The following ENAH variants were observed in gnomAD, a reference collection of about 807,000 sequenced individuals.
ENAH encodes the protein protein enabled homolog.
ENAH carries 23 observed loss-of-function variants against 78.7 expected under a neutral mutation model. The ratio of observed to expected loss-of-function variants is 0.29; its 90% confidence interval spans 0.21 to 0.41. ENAH has a LOEUF of 0.41. ENAH is among the 10% of genes least tolerant of loss of function. The probability of loss-of-function intolerance (pLI) is 1.00; values close to 1 mark genes in which losing one functional copy is unlikely to be tolerated. For missense variants in ENAH, 544 were observed against 691.0 expected, an observed-to-expected ratio of 0.79 and a Z score of 2.39; for synonymous variants, 226 against 241.0, an observed-to-expected ratio of 0.94 and a Z score of 0.58.
chr1:225,545,766 T>G (rs2151361071), intron 3 of ENAH, among the ~76,000 whole-genome samples: 1 of 152,278 alleles, frequency 6.6e-6, no homozygotes, highest in East Asian at 1.9e-4. Context: ...GGACCACACT[T>G]TTTGAATCCC....
At chr1:225,604,219 A>G (rs1230933386) in intron 1 of ENAH, among the ~76,000 whole-genome samples, 2 of 152,232 alleles carry the variant, frequency 1.3e-5, no homozygotes, top group Non-Finnish European at 2.9e-5. Flanking sequence ...GACTTTGAAA[A>G]TAACACTCTT....
chr1:225,600,791 A>T (rs1042554486), intron 1 of ENAH, among the ~76,000 whole-genome samples: 1 of 152,182 alleles, frequency 6.6e-6, no homozygotes, highest in African/African-American at 2.4e-5. Context: ...TCAAAACTGC[A>T]GTAAGCTGTG....
At chr1:225,548,951 G>T (rs1367052870) in intron 3 of ENAH, among the ~76,000 whole-genome samples, 1 of 151,054 alleles carries the variant, frequency 6.6e-6, no homozygotes, top group Non-Finnish European at 1.5e-5. Flanking sequence ...CCGGGTTCAA[G>T]CAATTCTCCT....
At chr1:225,562,008 T>G (rs2096708687) in intron 2 of ENAH, among the ~76,000 whole-genome samples, 1 of 152,126 alleles carries the variant, frequency 6.6e-6, no homozygotes, top group Admixed American at 6.5e-5. Context: ...TGTGGTTCTT[T>G]GCTTATGTGC....
At chr1:225,616,568 A>G (rs1655736309) in intron 1 of ENAH, among the ~76,000 whole-genome samples, 1 of 151,900 alleles carries the variant, frequency 6.6e-6, no homozygotes, top group Non-Finnish European at 1.5e-5. Flanking sequence ...TGTTATATAT[A>G]GTATTTATAA....
chr1:225,563,924 T>C (rs1344946393), intron 2 of ENAH, among the ~76,000 whole-genome samples: 1 of 152,244 alleles, frequency 6.6e-6, no homozygotes, highest in Non-Finnish European at 1.5e-5. Context: ...ATTTATTTCA[T>C]GATTGTAGGT....
At chr1:225,515,569 C>G (rs2096411160) in intron 6 of ENAH, among the ~76,000 whole-genome samples, 2 of 152,240 alleles carry the variant, frequency 1.3e-5, no homozygotes, top group South Asian at 4.1e-4. Flanking sequence ...TTTTATCCCA[C>G]AAAATGGGGG....
intron 1 of ENAH, among the ~76,000 whole-genome samples, chr1:225,621,293 T>C (rs533648951): frequency 6.6e-6 from 1 of 150,430 alleles, no homozygotes; most frequent in South Asian, 2.1e-4. Flanking sequence ...TAAATCTATC[T>C]CTCTTTTTTT....
chr1:225,535,516 T>A, intron 3 of ENAH: 1 of 1,302,882 alleles, frequency 7.7e-7, no homozygotes, highest in Middle Eastern at 2.1e-4. Context: ...CCACAGAAAA[T>A]ACATCGCAAA....
chr1:225,616,072 G>C lies in ENAH; in HGVS notation c.5+36614C>G, dbSNP rs140295371. The stretch of plus-strand genomic sequence containing the variant: ...TAAAACATGTGCTGTGTCCACTCAG[G>C]GTTAAATGGATTAAGGGCGGAGCAA... On this transcript the variant is annotated intron_variant, in intron 1 of 13. Transcript: ENST00000366843. Among the ~76,000 whole-genome samples the C allele has an allele frequency of 4.3e-3, 657 of 152,122 alleles. 2 individuals are homozygous for C. The highest frequency in any genetic ancestry group is 6.7e-3 in the Non-Finnish European group (453 of 67,984).
At chr1:225,642,122 AC>A (rs1235599877) in intron 1 of ENAH, among the ~76,000 whole-genome samples, 4 of 151,450 alleles carry the variant, frequency 2.6e-5, no homozygotes, top group Non-Finnish European at 5.9e-5. Flanking sequence ...GACTGTTTGA[AC>A]CCAGGAGGCA....
chr1:225,496,933 A>G lies in ENAH; in HGVS notation c.*842T>C, dbSNP rs1258764403. ...CTAACCTTGTGGTGATTGTAATTAC[A>G]TTATAAAAATGTCCACATGCATAAA... On this transcript the variant is annotated 3_prime_UTR_variant, in exon 14 of 14. Transcript: ENST00000366843. 6.5e-6 allele frequency: 1 copy of G among 152,678 alleles called. No homozygotes were observed. The highest frequency in any genetic ancestry group is 1.5e-5 in the Non-Finnish European group (1 of 68,036). 9.5% of individuals were successfully genotyped at this position (152,678 alleles called of 1,614,324 possible).
At chr1:225,576,275 CAAAA>C (rs35531080) in intron 1 of ENAH, among the ~76,000 whole-genome samples, 1 of 82,498 alleles carries the variant, frequency 1.2e-5, no homozygotes, top group Non-Finnish European at 2.5e-5. Flanking sequence ...GACTCTGTCT[CAAAA>C]AAAAAAAAAA....
chr1:225,507,434 A>G (rs1285941708), intron 11 of ENAH, among the ~76,000 whole-genome samples: 1 of 152,072 alleles, frequency 6.6e-6, no homozygotes, highest in Non-Finnish European at 1.5e-5. Flanking sequence ...TTAATGTTAA[A>G]TTTCTTGAGA....
At position 225,514,930 on chromosome 1, in the gene ENAH, T is replaced by C. The variant is rs748685913; in HGVS notation, c.914-30A>G. ...GAGAGAGAAATGTTAAGTAAGACCA[T>C]CAACAATAGAGCTGAGTGATATTAT... On this transcript the variant is annotated intron_variant, in intron 6 of 13. Coordinates refer to ENST00000366843, the MANE Select transcript of ENAH (RefSeq NM_018212.6). The C allele has an allele frequency of 3.2e-6, 5 of 1,559,512 alleles. No individual in the cohort carries two copies. In the East Asian group the frequency reaches 9.0e-5, roughly 28 times the overall value.
chr1:225,564,514 C>T (rs1276532045), intron 2 of ENAH, among the ~76,000 whole-genome samples: 5 of 147,842 alleles, frequency 3.4e-5, no homozygotes, highest in Admixed American at 2.7e-4. Context: ...AGGCTGGTTG[C>T]GAACTCCAGA....
chr1:225,599,791 C>A (rs991744647), intron 1 of ENAH, among the ~76,000 whole-genome samples: 2 of 126,710 alleles, frequency 1.6e-5, no homozygotes, highest in African/African-American at 6.7e-5. Context: ...GCCGAGACTC[C>A]GTCTTAAAAA....
At chr1:225,603,570 T>C (rs2096940795) in intron 1 of ENAH, among the ~76,000 whole-genome samples, 1 of 152,126 alleles carries the variant, frequency 6.6e-6, no homozygotes, top group Admixed American at 6.5e-5. Flanking sequence ...AAACTTCCAT[T>C]TCAAAAAGGA....
At chr1:225,557,999 T>C (rs2096675973) in intron 2 of ENAH, among the ~76,000 whole-genome samples, 1 of 152,208 alleles carries the variant, frequency 6.6e-6, no homozygotes. Context: ...TCTGTTTTTA[T>C]GCAGTAAGTT....
Sources: gnomAD v4.1 joint callset for allele counts (sites outside exome capture counted in the v4.1 genomes callset) on GRCh38, gnomAD v4.1.1 for gene constraint, MANE v1.5 for transcripts, NCBI Gene and HGNC (gene_info 2026-07-23, HGNC 2026-07-21) for gene names.